IL20RB: variants seen among roughly 807,000 people sequenced by gnomAD.
The protein encoded by IL20RB is interleukin 20 receptor subunit beta, also known as interleukin-20 receptor subunit beta.
Under a neutral mutation model 33.3 loss-of-function variants are expected in IL20RB, and 21 were observed. That is an observed-to-expected ratio of 0.63 (90% confidence interval 0.45 to 0.91). The LOEUF is 0.91. Ranked by LOEUF, IL20RB falls within the 40% of genes least tolerant of loss-of-function variation. The probability of loss-of-function intolerance (pLI) is 0.00; values close to 1 mark genes in which losing one functional copy is unlikely to be tolerated. For missense variants in IL20RB, 345 were observed against 384.8 expected (o/e 0.90, Z 0.86); for synonymous variants, 147 against 146.8 (o/e 1.00, Z -0.01).
Position 136,998,189 on chromosome 3 carries a change from A to T in IL20RB, c.825+2633A>T, listed in dbSNP as rs571637334. Among the ~76,000 whole-genome samples, 228 of 127,244 alleles carry T rather than the reference A, an allele frequency of 1.8e-3. 1 individual carries two copies. Among genetic ancestry groups the T allele is most frequent in the Admixed American group, 0.011 (135 of 12,852 alleles). The allele number at this position is 127,244 out of a possible 152,430, so 83.5% of individuals were successfully genotyped here. A position where few individuals can be genotyped will look rare whatever the true frequency, so the allele number is the denominator to read the frequency against. On this transcript the variant is annotated intron_variant, in intron 6 of 6. Transcript: ENST00000329582. ...CTGCCTCTTTTTGGGTTAATTAAAA[A>T]TTTTTTTTGAATTTCACTTTAGTGA...
At chr3:137,003,522 C>G (rs540259405) in intron 6 of IL20RB, among the ~76,000 whole-genome samples, 1 of 152,256 alleles carries the variant, frequency 6.6e-6, no homozygotes, top group South Asian at 2.1e-4. Context: ...ATTTTATTCT[C>G]TTTGTAGCAA....
At chr3:136,964,153 T>G (rs1941311755) in intron 1 of IL20RB, among the ~76,000 whole-genome samples, 1 of 35,638 alleles carries the variant, frequency 2.8e-5, no homozygotes, top group Non-Finnish European at 4.8e-5. Flanking sequence ...GCAATAAACA[T>G]ACGTGTGCAT....
chr3:136,983,331 G>A (rs1941827416), intron 3 of IL20RB, among the ~76,000 whole-genome samples: 1 of 152,158 alleles, frequency 6.6e-6, no homozygotes, highest in Non-Finnish European at 1.5e-5. Flanking sequence ...CAAGTCATCT[G>A]CCCACTTCGG....
chr3:136,989,412 C>G, intron 3 of IL20RB, 29 bp from the exon 4 acceptor site: 2 of 1,612,544 alleles, frequency 1.2e-6, no homozygotes, highest in Non-Finnish European at 1.7e-6. Context: ...CTGGGGCTGG[C>G]TTTGACTCTC....
At chr3:136,986,083 G>A (rs1025027939) in intron 3 of IL20RB, among the ~76,000 whole-genome samples, 5 of 152,014 alleles carry the variant, frequency 3.3e-5, no homozygotes, top group African/African-American at 7.2e-5. Context: ...GTGAAACCCC[G>A]TCGCCTGTAG....
chr3:136,990,626 G>T (rs2108208426), intron 4 of IL20RB, among the ~76,000 whole-genome samples: 1 of 152,294 alleles, frequency 6.6e-6, no homozygotes, highest in African/African-American at 2.4e-5. Context: ...AATTGGTCTT[G>T]CTCGTCTTAT....
chr3:136,958,149 G>T lies in IL20RB; in HGVS notation c.36G>T (p.Trp12Cys). The part of the protein sequence containing the change: ...QTFTMVLEEI[W>C]TSLFMWFFYA... Reference sequence around the variant, plus strand: ...TCACAATGGTTCTAGAAGAAATCTGGACAAGTCTTTTCATGTGGTTTTTCT... The same window carrying T: ...TCACAATGGTTCTAGAAGAAATCTGTACAAGTCTTTTCATGTGGTTTTTCT... Residue 12 changes from tryptophan to cysteine, a missense_variant, in exon 1 of 7, where the codon TGG becomes TGT. Physicochemically the swap from Trp to Cys is radical, Grantham distance 215. Transcript: ENST00000329582. 6.2e-7 allele frequency: 1 copy of T among 1,612,066 alleles called. No individual in the cohort carries two copies. Among genetic ancestry groups the T allele is most frequent in the Non-Finnish European group, 8.5e-7 (1 of 1,178,230 alleles).
intron 6 of IL20RB, among the ~76,000 whole-genome samples, chr3:137,007,694 C>T (rs905833309): frequency 1.3e-5 from 2 of 152,232 alleles, no homozygotes; most frequent in East Asian, 1.9e-4. Context: ...TAGTCTGTCA[C>T]GGCTTCCCTT....
chr3:137,003,359 G>T, intron 6 of IL20RB, among the ~76,000 whole-genome samples: 1 of 152,126 alleles, frequency 6.6e-6, no homozygotes, highest in Non-Finnish European at 1.5e-5. Flanking sequence ...ATTACTTTGG[G>T]CAGTATGGCC....
intron 5 of IL20RB, among the ~76,000 whole-genome samples, chr3:136,992,626 A>G (rs530831343): frequency 9.8e-4 from 149 of 152,366 alleles, no homozygotes; most frequent in African/African-American, 3.5e-3. Flanking sequence ...CCTACATCCC[A>G]TGATCTGTCA....
At chr3:136,980,626 A>T in intron 2 of IL20RB, 34 bp downstream of exon 2, 1 of 1,613,108 alleles carries the variant, frequency 6.2e-7, no homozygotes, top group Non-Finnish European at 8.5e-7. Context: ...CTTCTCCCTT[A>T]AGCAGAAGTT....
At chr3:136,983,226 T>C (rs1941824751) in intron 3 of IL20RB, among the ~76,000 whole-genome samples, 1 of 152,168 alleles carries the variant, frequency 6.6e-6, no homozygotes, top group South Asian at 2.1e-4. Flanking sequence ...TAGCTGGGAC[T>C]ACAGGCGTGC....
chr3:137,008,787 G>A (rs1421618642), intron 6 of IL20RB, among the ~76,000 whole-genome samples: 1 of 152,052 alleles, frequency 6.6e-6, no homozygotes, highest in Non-Finnish European at 1.5e-5. Flanking sequence ...GTGTTAAAAT[G>A]ATAATATTTT....
At chr3:136,985,144 A>G (rs1295993306) in intron 3 of IL20RB, among the ~76,000 whole-genome samples, 1 of 152,226 alleles carries the variant, frequency 6.6e-6, no homozygotes, top group Non-Finnish European at 1.5e-5. Flanking sequence ...AGGAGTCTGT[A>G]CTTGCATCAG....
intron 6 of IL20RB, among the ~76,000 whole-genome samples, chr3:137,003,952 T>C (rs1942298296): frequency 6.6e-6 from 1 of 152,200 alleles, no homozygotes; most frequent in East Asian, 1.9e-4. Context: ...ACCTAGTTTA[T>C]TGAGAGTTTT....
chr3:136,969,685 C>A (rs2108180673), intron 1 of IL20RB, among the ~76,000 whole-genome samples: 1 of 152,232 alleles, frequency 6.6e-6, no homozygotes. Context: ...GAGCTGTAGA[C>A]CGGAGCTGTT....
intron 3 of IL20RB, among the ~76,000 whole-genome samples, chr3:136,984,855 G>C (rs1941862536): frequency 6.6e-6 from 1 of 152,122 alleles, no homozygotes; most frequent in Non-Finnish European, 1.5e-5. Flanking sequence ...GGCAGGATCT[G>C]GGGGAGATTA....
intron 1 of IL20RB, among the ~76,000 whole-genome samples, chr3:136,979,925 T>G (rs1941725443): frequency 6.6e-6 from 1 of 152,202 alleles, no homozygotes; most frequent in Admixed American, 6.5e-5. Context: ...CATGAATGAT[T>G]AAGAGGCTCA....
chr3:136,970,696 A>G (rs1941456236), intron 1 of IL20RB, among the ~76,000 whole-genome samples: 1 of 149,302 alleles, frequency 6.7e-6, no homozygotes, highest in African/African-American at 2.5e-5. Context: ...TCTGTCATCC[A>G]GGCTGGAGTG....
Sources: allele counts gnomAD v4.1 joint callset (sites outside exome capture counted in the v4.1 genomes callset), GRCh38; gene constraint gnomAD v4.1.1; transcripts MANE v1.5; gene names NCBI Gene and HGNC (gene_info 2026-07-23, HGNC 2026-07-21).